The following ZMYM4 variants were observed in gnomAD, a reference collection of about 807,000 sequenced individuals.
ZMYM4 encodes the protein zinc finger MYM-type containing 4, also known as zinc finger MYM-type protein 4.
In ZMYM4, 31 loss-of-function variants were observed where a neutral mutation model predicts 183.2. The ratio of observed to expected loss-of-function variants is 0.17; its 90% CI spans 0.13 to 0.23. The LOEUF is 0.23. Among genes scored for constraint, ZMYM4 ranks in the 10% least tolerant of loss-of-function variants. ZMYM4 has a pLI of 1.00. For synonymous variants in ZMYM4, 592 were observed against 631.2 expected, an observed-to-expected ratio of 0.94 and a Z score of 0.93; for missense variants, 1,273 against 1,840.3, an observed-to-expected ratio of 0.69 and a Z score of 5.64.
chr1:35,392,508 T>C (rs1644728772), intron 16 of ZMYM4, 139 bp from the exon 17 acceptor site: 1 of 1,278,962 alleles, frequency 7.8e-7, no homozygotes, highest in African/African-American at 1.5e-5. Flanking sequence ...TACTTTAGAA[T>C]TGCTAGTTTC....
chr1:35,344,677 TCTTA>T (rs1165698057), intron 2 of ZMYM4, among the ~76,000 whole-genome samples: 4 of 152,186 alleles, frequency 2.6e-5, no homozygotes, highest in East Asian at 1.9e-4. Context: ...ATGGGATAAA[TCTTA>T]CTTATGATAT....
chr1:35,417,235 T>A (rs564326682), intron 28 of ZMYM4, among the ~76,000 whole-genome samples: 7 of 133,508 alleles, frequency 5.2e-5, no homozygotes, highest in African/African-American at 1.1e-4. Context: ...AGACCCTGTC[T>A]CCCAAAAAAA....
chr1:35,342,387 C>A (rs1333491196), intron 2 of ZMYM4, among the ~76,000 whole-genome samples: 1 of 152,048 alleles, frequency 6.6e-6, no homozygotes, highest in African/African-American at 2.4e-5. Flanking sequence ...TCTCGAACTC[C>A]TGGGTTCAAG....
chr1:35,329,137 T>TTGAGAAATCTAGTTTAAACA (rs1553168216), intron 2 of ZMYM4, among the ~76,000 whole-genome samples: 1 of 152,246 alleles, frequency 6.6e-6, no homozygotes, highest in African/African-American at 2.4e-5. Flanking sequence ...TGTGAAGACA[T>TTGAGAAATCTAGTTTAAACA]TGAGAAATCT....
rs150445914 is a variant in ZMYM4, at chr1:35,406,641, C to T, written c.3796+1173C>T. Among the ~76,000 whole-genome samples the T allele has an allele frequency of 1.1e-4, 17 of 152,296 alleles. No homozygotes were observed. The East Asian group carries it at 2.7e-3, about 24-fold the overall frequency. On this transcript the variant is annotated intron_variant, in intron 25 of 29. Transcript: ENST00000314607. Reference sequence around the variant, plus strand: ...TACAGGGATGGCAACCCATTTCTACCACTCTTTCATTGAGAAATACTTACT... The same window carrying T: ...TACAGGGATGGCAACCCATTTCTACTACTCTTTCATTGAGAAATACTTACT...
Position 35,420,976 on chromosome 1 carries a change from C to T in ZMYM4, c.*1299C>T, listed in dbSNP as rs2149055330. The T allele has an allele frequency of 6.6e-6, 1 of 152,392 alleles. No individual in the cohort carries two copies. The highest frequency in any genetic ancestry group is 3.4e-3 in the Middle Eastern group (1 of 294). 9.4% of individuals were successfully genotyped at this position (152,392 alleles called of 1,614,324 possible). On this transcript the variant is annotated 3_prime_UTR_variant, in exon 30 of 30. Transcript: ENST00000314607. ...TGGCATATCAGTCCATCTCCCTCAT[C>T]TCCATTCTCAGTTTCTTCCCCACAA...
chr1:35,345,152 G>A (rs769804702), intron 2 of ZMYM4, among the ~76,000 whole-genome samples: 19 of 152,186 alleles, frequency 1.2e-4, no homozygotes, highest in Non-Finnish European at 2.4e-4. Context: ...GTTTTAGTTT[G>A]ACTAAATTTA....
chr1:35,358,312 T>C (rs1294650822), intron 2 of ZMYM4, among the ~76,000 whole-genome samples: 1 of 152,168 alleles, frequency 6.6e-6, no homozygotes, highest in Admixed American at 6.5e-5. Context: ...GTAAATAGTC[T>C]TTTATTCTAG....
chr1:35,345,875 GCAAT>G (rs1402457455), intron 2 of ZMYM4, among the ~76,000 whole-genome samples: 4 of 152,282 alleles, frequency 2.6e-5, no homozygotes, highest in East Asian at 1.9e-4. Context: ...ACATTGTTGT[GCAAT>G]CAGTCTGTAG....
intron 1 of ZMYM4, among the ~76,000 whole-genome samples, chr1:35,270,370 C>T (rs1639534411): frequency 6.6e-6 from 1 of 152,018 alleles, no homozygotes; most frequent in African/African-American, 2.4e-5. Flanking sequence ...TTATTTTTTC[C>T]AACAATTTAT....
At chr1:35,301,953 T>C (rs933178122) in intron 1 of ZMYM4, among the ~76,000 whole-genome samples, 1 of 152,230 alleles carries the variant, frequency 6.6e-6, no homozygotes, top group Non-Finnish European at 1.5e-5. Context: ...TACTGTTCTA[T>C]TCTGCCTGTT....
At chr1:35,393,463 T>C in intron 17 of ZMYM4, 132 bp from the exon 18 acceptor site, 1 of 763,876 alleles carries the variant, frequency 1.3e-6, no homozygotes, top group East Asian at 2.9e-5. Flanking sequence ...TCTTATACAT[T>C]TGGTTGAATA....
chr1:35,413,271 T>C (rs1639987345), intron 26 of ZMYM4, among the ~76,000 whole-genome samples: 1 of 152,182 alleles, frequency 6.6e-6, no homozygotes, highest in South Asian at 2.1e-4. Flanking sequence ...TCTTGCACTA[T>C]TGACCTCAAG....
chr1:35,399,628 A>G (rs770885641), intron 23 of ZMYM4, 52 bp downstream of exon 23: 1 of 1,586,320 alleles, frequency 6.3e-7, no homozygotes, highest in African/African-American at 1.3e-5. Flanking sequence ...TTCTACAAGC[A>G]TTATTTAGTT....
intron 2 of ZMYM4, among the ~76,000 whole-genome samples, chr1:35,326,841 G>A (rs1426924306): frequency 6.6e-6 from 1 of 152,132 alleles, no homozygotes; most frequent in African/African-American, 2.4e-5. Flanking sequence ...ATAAATAATA[G>A]CCCTGGCTTG....
Position 35,414,216 on chromosome 1 carries a change from C to T in ZMYM4, c.4060+133C>T, listed in dbSNP as rs188847113. 715 of 611,558 alleles carry T rather than the reference C, an allele frequency of 1.2e-3. 1 individual carries two copies. Among genetic ancestry groups the T allele is most frequent in the Admixed American group, 2.1e-3 (58 of 28,212 alleles). The allele number at this position is 611,558 out of a possible 1,614,324, so 37.9% of individuals were successfully genotyped here. The stretch of plus-strand genomic sequence containing the variant: ...TACCATATTTGGACTTCTGAGGAGA[C>T]GGTCTTTGGTTTATTGTTGATTGTT... On this transcript the variant is annotated intron_variant, in intron 27 of 29. Transcript: ENST00000314607.
At position 35,347,101 on chromosome 1, in the gene ZMYM4, G is replaced by T. The variant is rs1643425814; in HGVS notation, c.86-11824G>T. 3.9e-5 allele frequency among the ~76,000 whole-genome samples: 6 copies of T among 152,316 alleles called. No homozygotes were observed. The South Asian group carries it at 1.2e-3, about 32-fold the overall frequency. On this transcript the variant is annotated intron_variant, in intron 2 of 29. Transcript: ENST00000314607. Reference sequence around the variant, plus strand: ...GCTCACTGCATCCTCTACCTCCCGGGTTCAAGCAGTTCTCCTGCCTCAGCC... The same window carrying T: ...GCTCACTGCATCCTCTACCTCCCGGTTTCAAGCAGTTCTCCTGCCTCAGCC...
chr1:35,385,486 A>T lies in ZMYM4; in HGVS notation c.1614A>T (p.Arg538Ser), dbSNP rs201424650. 6.2e-7 allele frequency: 1 copy of T among 1,613,222 alleles called. No individual in the cohort carries two copies. The highest frequency in any genetic ancestry group is 1.3e-5 in the African/African-American group (1 of 74,992). ...ITPCALCKSL[R>S]SSAEMIENTN... The stretch of plus-strand genomic sequence containing the variant: ...CGTGTGCGCTTTGCAAATCATTGAG[A>T]TCCTCAGCAGAAATGATTGAAAATA... Residue 538 changes from arginine to serine, a missense_variant, in exon 10 of 30, where the codon AGA (arginine) becomes AGT (serine). Around this residue, in one of 6 missense-constraint regions of ZMYM4, gnomAD observed 319 missense variants for 518.1 expected, o/e 0.62. Transcript: ENST00000314607.
At chr1:35,398,566 C>G (rs1211335285) in intron 21 of ZMYM4, 100 bp downstream of exon 21, 1 of 1,134,316 alleles carries the variant, frequency 8.8e-7, no homozygotes, top group East Asian at 2.5e-5. Flanking sequence ...GTAATTTTAA[C>G]TATTTGTAAG....
Sources: gnomAD v4.1 joint callset for allele counts (sites outside exome capture counted in the v4.1 genomes callset) on GRCh38, gnomAD v4.1.1 for gene constraint, gnomAD v4.1.1 regional missense constraint, MANE v1.5 for transcripts, NCBI Gene and HGNC (gene_info 2026-07-23, HGNC 2026-07-21) for gene names.